The following PAM variants were observed in gnomAD, a reference collection of about 807,000 sequenced individuals.
The protein encoded by PAM is peptidyl-glycine alpha-amidating monooxygenase.
A neutral mutation model predicts 122.1 loss-of-function variants in PAM; 72 were observed. The observed-to-expected ratio is 0.59, with a 90% CI of 0.49 to 0.72. The LOEUF is 0.72. Ranked by LOEUF, PAM falls within the 30% of genes least tolerant of loss-of-function variation. The pLI, the probability that PAM is intolerant of heterozygous loss-of-function variation, is 0.00. For missense variants in PAM, 1,106 were observed against 1,183.7 expected (o/e 0.93, Z 0.96); for synonymous variants, 389 against 404.4 (o/e 0.96, Z 0.46).
At chr5:102,961,342 C>CT (rs1399775257) in intron 14 of PAM, 113 bp downstream of exon 14, 5 of 597,048 alleles carry the variant, frequency 8.4e-6, no homozygotes, top group Non-Finnish European at 1.5e-5. Flanking sequence ...GCCTCAAACA[C>CT]TATGTATTGC....
At chr5:102,856,704 A>C (rs1403575130) in intron 1 of PAM, among the ~76,000 whole-genome samples, 2 of 152,202 alleles carry the variant, frequency 1.3e-5, no homozygotes, top group Non-Finnish European at 2.9e-5. Context: ...ACAAAAAATA[A>C]AATAAAATAA....
At chr5:102,882,787 C>G (rs1437784866) in intron 3 of PAM, among the ~76,000 whole-genome samples, 1 of 151,998 alleles carries the variant, frequency 6.6e-6, no homozygotes, top group African/African-American at 2.4e-5. Flanking sequence ...GTCATAAAGT[C>G]TTTGCCTAAG....
At chr5:102,981,041 C>A (rs1229982490) in intron 15 of PAM, among the ~76,000 whole-genome samples, 4 of 151,834 alleles carry the variant, frequency 2.6e-5, no homozygotes, top group African/African-American at 7.3e-5. Flanking sequence ...TGAAAATTTC[C>A]AGCCTACAGG....
At chr5:102,766,260 A>G (rs1753918916) in intron 1 of PAM, among the ~76,000 whole-genome samples, 1 of 152,218 alleles carries the variant, frequency 6.6e-6, no homozygotes, top group African/African-American at 2.4e-5. Context: ...ATATATAATG[A>G]AATAATTATA....
chr5:102,766,674 G>C (rs368976787), intron 1 of PAM, among the ~76,000 whole-genome samples: 1 of 152,154 alleles, frequency 6.6e-6, no homozygotes, highest in East Asian at 1.9e-4. Flanking sequence ...AAAGTTGCAT[G>C]TGAAATTCTG....
chr5:103,017,043 A>G (rs541811498), intron 21 of PAM, among the ~76,000 whole-genome samples: 1 of 152,328 alleles, frequency 6.6e-6, no homozygotes, highest in East Asian at 1.9e-4. Context: ...ACAGTATTGT[A>G]AAAAATAATA....
intron 1 of PAM, among the ~76,000 whole-genome samples, chr5:102,829,880 A>C (rs1774928473): frequency 6.6e-6 from 1 of 152,192 alleles, no homozygotes; most frequent in African/African-American, 2.4e-5. Context: ...AGAATTCTGC[A>C]GATATCTTTT....
intron 1 of PAM, among the ~76,000 whole-genome samples, chr5:102,843,103 A>T (rs1236690350): frequency 6.6e-6 from 1 of 152,202 alleles, no homozygotes; most frequent in African/African-American, 2.4e-5. Flanking sequence ...AAGCCTAATT[A>T]TGTTTTAAAT....
chr5:102,926,317 C>G (rs1334156215), intron 6 of PAM, among the ~76,000 whole-genome samples: 1 of 152,158 alleles, frequency 6.6e-6, no homozygotes, highest in East Asian at 1.9e-4. Context: ...CTGTTTCTTT[C>G]AAAATGAGTG....
At chr5:102,811,956 A>C (rs538089530) in intron 1 of PAM, among the ~76,000 whole-genome samples, 4 of 152,364 alleles carry the variant, frequency 2.6e-5, no homozygotes, top group African/African-American at 9.6e-5. Flanking sequence ...ACATCAGATG[A>C]AGTTAATTAA....
At chr5:102,798,235 C>T (rs1400261300) in intron 1 of PAM, among the ~76,000 whole-genome samples, 3 of 152,114 alleles carry the variant, frequency 2.0e-5, no homozygotes, top group Admixed American at 1.3e-4. Flanking sequence ...CAAAGTACCT[C>T]GTGGTATGGG....
chr5:102,988,005 C>A (rs1456933824), intron 15 of PAM, among the ~76,000 whole-genome samples: 2 of 152,138 alleles, frequency 1.3e-5, no homozygotes, highest in Non-Finnish European at 2.9e-5. Flanking sequence ...AGTCAAGACA[C>A]CACAGCTACA....
chr5:103,014,218 C>A (rs1200147022), intron 21 of PAM, among the ~76,000 whole-genome samples: 1 of 152,100 alleles, frequency 6.6e-6, no homozygotes, highest in Non-Finnish European at 1.5e-5. Flanking sequence ...AAATATGCAT[C>A]TAGAAATAAA....
At chr5:102,804,440 G>A (rs966380380) in intron 1 of PAM, among the ~76,000 whole-genome samples, 1 of 152,206 alleles carries the variant, frequency 6.6e-6, no homozygotes, top group African/African-American at 2.4e-5. Flanking sequence ...AGAAGGATCA[G>A]GGAAATTTGG....
At chr5:102,900,257 G>C (rs190422555) in intron 3 of PAM, among the ~76,000 whole-genome samples, 24 of 126,588 alleles carry the variant, frequency 1.9e-4, no homozygotes, top group Admixed American at 7.2e-4. Context: ...GTGTGTGTGG[G>C]GGGGGGGCGG....
intron 1 of PAM, among the ~76,000 whole-genome samples, chr5:102,757,538 A>C (rs1750803107): frequency 6.6e-6 from 1 of 152,248 alleles, no homozygotes; most frequent in Admixed American, 6.5e-5. Flanking sequence ...GTGCTAATCA[A>C]ATGTTAAAAG....
chr5:102,836,897 A>AGAGAGG (rs757331974), intron 1 of PAM, among the ~76,000 whole-genome samples: 25 of 146,652 alleles, frequency 1.7e-4, no homozygotes, highest in African/African-American at 5.7e-4. Flanking sequence ...AGAGAGAGAG[A>AGAGAGG]GGTGCAAAAT....
intron 1 of PAM, among the ~76,000 whole-genome samples, chr5:102,770,100 A>G (rs1317973378): frequency 6.6e-6 from 1 of 151,950 alleles, no homozygotes; most frequent in Admixed American, 6.6e-5. Flanking sequence ...ATAGGTAGTG[A>G]ATTTTATTTG....
At chr5:102,900,262 G>GC (rs1387775011) in intron 3 of PAM, among the ~76,000 whole-genome samples, 1 of 112,124 alleles carries the variant, frequency 8.9e-6, no homozygotes, top group East Asian at 3.1e-4. Context: ...TGTGGGGGGG[G>GC]GGCGGGGGGA....
Sources: allele counts gnomAD v4.1 joint callset (sites outside exome capture counted in the v4.1 genomes callset), GRCh38; gene constraint gnomAD v4.1.1; transcripts MANE v1.5; gene names NCBI Gene and HGNC (gene_info 2026-07-23, HGNC 2026-07-21).